Variants in NDUFAF7 observed in about 807,000 individuals in gnomAD.
NDUFAF7 encodes protein arginine methyltransferase NDUFAF7, mitochondrial.
NDUFAF7 carries 48 observed loss-of-function variants against 47.2 expected under a neutral mutation model. The ratio of observed to expected loss-of-function variants is 1.02; its 90% CI spans 0.81 to 1.29. The LOEUF (loss-of-function observed/expected upper bound fraction) is 1.29, where lower values mean the gene tolerates loss of function less well. Among genes scored for constraint, NDUFAF7 ranks in the 50% most tolerant of loss-of-function variants. The pLI is 0.00. For missense variants in NDUFAF7, 635 were observed against 537.6 expected (o/e 1.18, Z -1.79); for synonymous variants, 217 against 190.0 (o/e 1.14, Z -1.17).
chr2:37,246,802 ATTCTCT>A (rs1666963244), intron 8 of NDUFAF7, among the ~76,000 whole-genome samples: 1 of 152,142 alleles, frequency 6.6e-6, no homozygotes, highest in Non-Finnish European at 1.5e-5. Context: ...GAAAATACTC[ATTCTCT>A]AGCCTTACCT....
the NDUFAF7 span, chr2:37,260,478 A>C: frequency 8.7e-7 from 1 of 1,145,970 alleles, no homozygotes; most frequent in Non-Finnish European, 1.3e-6. Context: ...ATGGCACAGA[A>C]AGAAAGCCTA....
intron 4 of NDUFAF7, 98 bp from the exon 5 acceptor site, chr2:37,241,480 A>T: frequency 1.0e-6 from 1 of 1,002,740 alleles, no homozygotes; most frequent in Non-Finnish European, 1.5e-6. Context: ...CTGAAATATT[A>T]CCTCTATTGT....
At chr2:37,260,198 T>C in the NDUFAF7 span, 1 of 1,185,910 alleles carries the variant, frequency 8.4e-7, no homozygotes, top group Non-Finnish European at 1.2e-6. Flanking sequence ...ATCGCTAGTT[T>C]AAAAAAAAAA....
intron 7 of NDUFAF7, 66 bp from the exon 8 acceptor site, chr2:37,245,986 A>G (rs1666855771): frequency 6.4e-7 from 1 of 1,567,656 alleles, no homozygotes; most frequent in African/African-American, 1.4e-5. Flanking sequence ...GAAAAACCTG[A>G]AAAACCGTAA....
chr2:37,257,030 C>T (rs999977311), downstream of NDUFAF7: 5 of 1,242,904 alleles, frequency 4.0e-6, no homozygotes, highest in African/African-American at 7.5e-5. Flanking sequence ...ACATACTTGC[C>T]AGCTCTACTG....
At chr2:37,253,479 G>A (rs976275803), downstream of NDUFAF7, 1 of 696,134 alleles carries the variant, frequency 1.4e-6, no homozygotes, top group Non-Finnish European at 2.3e-6. Context: ...CTACTCATAA[G>A]TATCTACTAT....
At chr2:37,260,796 A>C in the NDUFAF7 span, among the ~76,000 whole-genome samples, 1 of 152,146 alleles carries the variant, frequency 6.6e-6, no homozygotes, top group African/African-American at 2.4e-5. Flanking sequence ...TAAGAGTTTT[A>C]TTTCTAAGGT....
rs1198800379 is a variant in NDUFAF7 at position 37,241,728 on chromosome 2, A to G, written c.559A>G (p.Lys187Glu). 42 of 1,613,958 alleles carry G rather than the reference A, an allele frequency of 2.6e-5. No homozygotes were observed. In the Admixed American group the frequency reaches 7.0e-4, roughly 27 times the overall value. The change falls in exon 5 of 10, where the codon AAA (lysine) becomes GAA (glutamate). Residue 187 changes from lysine (K) to glutamate (E), a missense_variant. Lys to Glu is a moderately conservative substitution (Grantham distance 56, BLOSUM62 1). Coordinates refer to ENST00000002125, the MANE Select transcript of NDUFAF7 (RefSeq NM_144736.5). Reference protein sequence around the residue: ...ERNAGSPVYMKGVTKSGIPIS... With the variant: ...ERNAGSPVYMEGVTKSGIPIS... ...AAATGCTGGATCCCCAGTGTATATG[A>G]AAGGTGTCACTAAGTCTGGGATTCC...
chr2:37,244,759 A>C (rs1210846468), intron 7 of NDUFAF7, among the ~76,000 whole-genome samples: 1 of 152,166 alleles, frequency 6.6e-6, no homozygotes, highest in Non-Finnish European at 1.5e-5. Flanking sequence ...AGTTTTGTTA[A>C]GTATAAATTT....
the NDUFAF7 span, among the ~76,000 whole-genome samples, chr2:37,266,812 ATTTC>A: frequency 3.3e-5 from 5 of 152,132 alleles, no homozygotes; most frequent in African/African-American, 9.7e-5. Flanking sequence ...TACGACCATG[ATTTC>A]TTTAATAATA....
downstream of NDUFAF7, among the ~76,000 whole-genome samples, chr2:37,255,286 T>G (rs1667842799): frequency 6.8e-6 from 1 of 146,434 alleles, no homozygotes; most frequent in Non-Finnish European, 1.5e-5. Context: ...TAGTTAATCC[T>G]ATGATTAGGC....
chr2:37,232,947 T>C (rs1558486263), intron 2 of NDUFAF7, among the ~76,000 whole-genome samples: 1 of 152,222 alleles, frequency 6.6e-6, no homozygotes. Flanking sequence ...TGGGGTTAGA[T>C]TGGCCATTGT....
Position 37,231,694 on chromosome 2 carries a change from G to C in NDUFAF7, c.-12G>C, listed in dbSNP as rs745954604. ...AGCTCCTGGCGGAGCGAGCTAGCCT[G>C]CGAATTTCAGCATGAGTGTACTGCT... On this transcript the variant is annotated 5_prime_UTR_variant, in exon 1 of 10. Transcript: ENST00000002125. The C allele has an allele frequency of 5.6e-6, 9 of 1,614,128 alleles. No homozygotes were observed. The Admixed American group carries it at 1.3e-4, about 24-fold the overall frequency.
At position 37,247,584 on chromosome 2, in the gene NDUFAF7, A is replaced by G. The variant is rs760856160; in HGVS notation, c.1065A>G (p.Lys355=). Residue 355 remains lysine (K), a synonymous_variant, in exon 9 of 10, where the codon AAA becomes AAG. Transcript: ENST00000002125. ...AAGTAGCCTCTCTGGGCCCAATAAA[A>G]CAACACACATTTTTAAAAAATATGG... is the stretch of plus-strand genomic sequence containing the variant. ...QGKVASLGPI[K]QHTFLKNMGI... The G allele has an allele frequency of 6.2e-7, 1 of 1,614,094 alleles. No individual in the cohort carries two copies. Among genetic ancestry groups the G allele is most frequent in the Non-Finnish European group, 8.5e-7 (1 of 1,179,980 alleles).
At chr2:37,256,810 A>C, downstream of NDUFAF7, 1 of 1,614,038 alleles carries the variant, frequency 6.2e-7, no homozygotes. Context: ...TATCTAGGGA[A>C]CGGTTGTAAC....
In NDUFAF7 at chr2:37,249,049, T is replaced by A. The variant is rs1218344656; in HGVS notation, c.*699T>A. The A allele has an allele frequency of 6.6e-6, 1 of 152,246 alleles. No individual in the cohort carries two copies. Among genetic ancestry groups the A allele is most frequent in the Non-Finnish European group, 1.5e-5 (1 of 68,078 alleles). The allele number at this position is 152,246 out of a possible 1,614,324, so 9.4% of individuals were successfully genotyped here. On this transcript the variant is annotated 3_prime_UTR_variant, in exon 10 of 10. Coordinates refer to ENST00000002125, the MANE Select transcript of NDUFAF7 (RefSeq NM_144736.5). ...AGGGCAATATGTTTTGACAGAAAAC[T>A]CTCTAAGATTTAGTAAGTGAAAAAA...
chr2:37,239,548 C>T lies in NDUFAF7; in HGVS notation c.408+1681C>T, dbSNP rs139006403. ...ACTAGTGTATATGTGTACCAGGAGACACATACAAGAAGATAGCAGCATTGT... is the reference window on the plus strand; with the variant it reads ...ACTAGTGTATATGTGTACCAGGAGATACATACAAGAAGATAGCAGCATTGT... On this transcript the variant is annotated intron_variant, in intron 4 of 9. Transcript: ENST00000002125. 9.9e-5 allele frequency among the ~76,000 whole-genome samples: 15 copies of T among 152,242 alleles called. No individual in the cohort carries two copies. The East Asian group carries it at 1.9e-3, about 20-fold the overall frequency.
chr2:37,231,992 C>T, intron 1 of NDUFAF7, 114 bp from the exon 2 acceptor site: 1 of 1,603,412 alleles, frequency 6.2e-7, no homozygotes, highest in Non-Finnish European at 8.5e-7. Context: ...AGCCCGCGGT[C>T]TGCGGTGGGG....
chr2:37,237,395 G>C (rs1240769593), intron 3 of NDUFAF7, among the ~76,000 whole-genome samples: 2 of 152,254 alleles, frequency 1.3e-5, no homozygotes, highest in Non-Finnish European at 2.9e-5. Context: ...GTTATTATAA[G>C]AATCATGTAA....
Sources: allele counts gnomAD v4.1 joint callset (sites outside exome capture counted in the v4.1 genomes callset), GRCh38; gene constraint gnomAD v4.1.1; transcripts MANE v1.5; gene names NCBI Gene and HGNC (gene_info 2026-07-23, HGNC 2026-07-21).